The following FBN2 variants were observed in gnomAD, a reference collection of about 807,000 sequenced individuals.
The protein encoded by FBN2 is fibrillin 2.
Under a neutral mutation model 355.6 loss-of-function variants are expected in FBN2, and 105 were observed. That is an observed-to-expected ratio of 0.30 (90% CI 0.25 to 0.35). The LOEUF is 0.35. Among genes scored for constraint, FBN2 ranks in the 10% least tolerant of loss-of-function variants. The pLI is 1.00. For synonymous variants in FBN2, 1,350 were observed against 1,301.2 expected (o/e 1.04, Z -0.81); for missense variants, 3,280 against 3,758.7 (o/e 0.87, Z 3.33).
At chr5:128,437,783 TAGA>T (rs1753808943) in intron 7 of FBN2, among the ~76,000 whole-genome samples, 2 of 86,956 alleles carry the variant, frequency 2.3e-5, no homozygotes, top group African/African-American at 1.4e-4. Flanking sequence ...TATAGATAGA[TAGA>T]TAGATAGATA....
chr5:128,516,342 C>A (rs1756279456), intron 5 of FBN2, among the ~76,000 whole-genome samples: 1 of 151,146 alleles, frequency 6.6e-6, no homozygotes, highest in South Asian at 2.1e-4. Flanking sequence ...GAGCTGTCTG[C>A]ATTTTACAAT....
chr5:128,490,768 A>G (rs1461367656), intron 5 of FBN2, among the ~76,000 whole-genome samples: 1 of 152,228 alleles, frequency 6.6e-6, no homozygotes, highest in African/African-American at 2.4e-5. Flanking sequence ...GCTGAAATCT[A>G]AAAAATAAAT....
intron 14 of FBN2, among the ~76,000 whole-genome samples, chr5:128,375,363 T>C (rs1361546985): frequency 6.6e-6 from 1 of 152,178 alleles, no homozygotes; most frequent in Non-Finnish European, 1.5e-5. Context: ...TCTTTAGATG[T>C]ATATTGAAGT....
chr5:128,374,103 T>C (rs1045244959), intron 15 of FBN2, among the ~76,000 whole-genome samples: 57 of 152,152 alleles, frequency 3.7e-4, no homozygotes, highest in African/African-American at 1.4e-3. Flanking sequence ...TCAAGTATGC[T>C]AGTTTAAAAA....
At chr5:128,382,225 A>G (rs1752251024) in intron 11 of FBN2, among the ~76,000 whole-genome samples, 1 of 152,034 alleles carries the variant, frequency 6.6e-6, no homozygotes. Flanking sequence ...GTTTTTCCTC[A>G]CTGCCTTTGA....
At chr5:128,356,989 G>A (rs1400512881) in intron 20 of FBN2, among the ~76,000 whole-genome samples, 1 of 152,022 alleles carries the variant, frequency 6.6e-6, no homozygotes, top group Non-Finnish European at 1.5e-5. Flanking sequence ...GCATTTTTAG[G>A]GTAACGGATA....
intron 19 of FBN2, among the ~76,000 whole-genome samples, chr5:128,357,653 C>T (rs1751537848): frequency 6.6e-6 from 1 of 152,204 alleles, no homozygotes; most frequent in Non-Finnish European, 1.5e-5. Flanking sequence ...TCCTTCAATA[C>T]ATCATCACAA....
At position 128,300,906 on chromosome 5, in the gene FBN2, G is replaced by A. The variant is rs139668142; in HGVS notation, c.6077C>T (p.Ser2026Phe). The change falls in exon 48 of 65, where the codon TCT becomes TTT. Residue 2026 changes from serine to phenylalanine, a missense_variant. Around this residue, in one of 6 missense-constraint regions of FBN2, gnomAD observed 2,284 missense variants for 2,749.5 expected, o/e 0.83. Coordinates refer to ENST00000262464, the MANE Select transcript of FBN2 (RefSeq NM_001999.4). ...ATTCTGACAGGTACCAGGAGAGCAA[G>A]AGCCGGGAAGGGCGACACACTCATT... is the stretch of plus-strand genomic sequence containing the variant. ...DTNECVALPG[S>F]CSPGTCQNLE... 2.7e-5 allele frequency: 43 copies of A among 1,613,856 alleles called. No homozygotes were observed. In the African/African-American group the frequency reaches 4.5e-4, roughly 17 times the overall value.
intron 3 of FBN2, among the ~76,000 whole-genome samples, chr5:128,529,574 T>G (rs751226684): frequency 6.6e-6 from 1 of 152,258 alleles, no homozygotes; most frequent in South Asian, 2.1e-4. Context: ...GACCAGAGAA[T>G]GTCCCAGCTC....
At chr5:128,354,319 G>T (rs1751444681) in intron 20 of FBN2, among the ~76,000 whole-genome samples, 2 of 152,150 alleles carry the variant, frequency 1.3e-5, no homozygotes, top group Non-Finnish European at 2.9e-5. Context: ...GGCCAGTCTG[G>T]CTCAGGCTGA....
In FBN2 at chr5:128,346,707, G is replaced by A. The variant is rs182689150; in HGVS notation, c.2990-1123C>T. Among the ~76,000 whole-genome samples the A allele has an allele frequency of 5.3e-5, 8 of 152,244 alleles. No individual in the cohort carries two copies. In the East Asian group the frequency reaches 9.7e-4, roughly 18 times the overall value. ...TAATTTCAGCACTTTGGGAGACTGA[G>A]GCAGCTGGATCACCTGAGGTCAGGA... On this transcript the variant is annotated intron_variant, in intron 23 of 64. Transcript: ENST00000262464.
chr5:128,318,077 G>T, intron 36 of FBN2, 72 bp downstream of exon 36: 1 of 1,490,818 alleles, frequency 6.7e-7, no homozygotes, highest in Non-Finnish European at 9.4e-7. Context: ...CACTCATCAC[G>T]GTTCATTATC....
At chr5:128,490,760 T>C (rs13175872) in intron 5 of FBN2, among the ~76,000 whole-genome samples, 43,550 of 152,112 alleles carry the variant, frequency 0.29, 6,470 homozygotes, top group African/African-American at 0.31. Context: ...TGATAAATGC[T>C]GAAATCTAAA....
chr5:128,399,955 A>C (rs1288746754), intron 8 of FBN2, among the ~76,000 whole-genome samples: 2 of 152,072 alleles, frequency 1.3e-5, no homozygotes, highest in Non-Finnish European at 2.9e-5. Context: ...CTATGGTAAA[A>C]ATAAAAACAA....
intron 15 of FBN2, among the ~76,000 whole-genome samples, chr5:128,370,924 C>A (rs1418944652): frequency 6.6e-6 from 1 of 152,078 alleles, no homozygotes; most frequent in African/African-American, 2.4e-5. Context: ...AAGTTCAGAT[C>A]CCCACAAGAT....
intron 6 of FBN2, among the ~76,000 whole-genome samples, chr5:128,463,507 G>A (rs1311133921): frequency 1.3e-5 from 2 of 152,072 alleles, no homozygotes; most frequent in Non-Finnish European, 2.9e-5. Context: ...TGGTATCTCC[G>A]TAGTTCGGAT....
At position 128,272,112 on chromosome 5, in the gene FBN2, T is replaced by A. The variant is rs1276131632; in HGVS notation, c.7847A>T (p.Asp2616Val). 6.2e-7 allele frequency: 1 copy of A among 1,614,042 alleles called. No homozygotes were observed. Among genetic ancestry groups the A allele is most frequent in the Non-Finnish European group, 8.5e-7 (1 of 1,179,962 alleles). Residue 2616 changes from aspartate to valine, a missense_variant, in exon 62 of 65, where the codon GAT (aspartate) becomes GTT (valine). This residue lies in a region of FBN2 where 2,284 missense variants were observed against 2,749.5 expected (regional missense o/e 0.83). Transcript: ENST00000262464. ...DATGLNCEDV[D>V]ECDGNHRCQH... ...GCACCTGTGGTTCCCATCACATTCA[T>A]CAACATCTGCAAAAACAAGCCCGGC...
chr5:128,266,805 G>A (rs1006831362), intron 62 of FBN2, among the ~76,000 whole-genome samples: 24 of 150,906 alleles, frequency 1.6e-4, no homozygotes, highest in Admixed American at 1.4e-3. Flanking sequence ...TATAAATATT[G>A]TAATATAATA....
In FBN2 at chr5:128,357,402, T is replaced by C. The variant is rs28763949; in HGVS notation, c.2555-7A>G. The C allele has an allele frequency of 2.5e-3, 4,084 of 1,613,716 alleles. 5 individuals carry two copies. Among genetic ancestry groups the C allele is most frequent in the Non-Finnish European group, 3.2e-3 (3,807 of 1,179,678 alleles). On this transcript the variant is annotated splice_polypyrimidine_tract_variant and splice_region_variant and intron_variant, in intron 19 of 64. Transcript: ENST00000262464. ...CTTTCACATTCATTTATATCTACAA[T>C]CCAGAAGGAAAAGATTCTGTTAGAA...
Sources: gnomAD v4.1 joint callset for allele counts (sites outside exome capture counted in the v4.1 genomes callset) on GRCh38, gnomAD v4.1.1 for gene constraint, gnomAD v4.1.1 regional missense constraint, MANE v1.5 for transcripts, NCBI Gene and HGNC (gene_info 2026-07-23, HGNC 2026-07-21) for gene names.